Variants in ZDHHC15 observed in about 807,000 individuals in gnomAD.
The protein encoded by ZDHHC15 is palmitoyltransferase ZDHHC15.
ZDHHC15 carries 19 observed loss-of-function variants against 31.7 expected under a neutral mutation model. That is an observed-to-expected ratio of 0.60 (90% confidence interval 0.42 to 0.88). The LOEUF (loss-of-function observed/expected upper bound fraction) is 0.88. Ranked by LOEUF, ZDHHC15 falls within the 40% of genes least tolerant of loss-of-function variation. The pLI is 0.00. For missense variants in ZDHHC15, 209 were observed against 251.2 expected, an observed-to-expected ratio of 0.83 and a Z score of 1.14; for synonymous variants, 103 against 90.0, an observed-to-expected ratio of 1.14 and a Z score of -0.82.
intron 2 of ZDHHC15, among the ~76,000 whole-genome samples, chrX:75,481,200 T>C (rs1209011595): frequency 9.0e-6 from 1 of 111,722 alleles, no homozygotes; most frequent in Non-Finnish European, 1.9e-5. Context: ...TGTTAACCCA[T>C]GTTCCTTCAG....
At chrX:75,458,691 G>T (rs1357712923) in intron 3 of ZDHHC15, among the ~76,000 whole-genome samples, 1 of 109,985 alleles carries the variant, frequency 9.1e-6, no homozygotes, top group Non-Finnish European at 1.9e-5. Flanking sequence ...AATGAATGTG[G>T]TGTACCATAG....
intron 3 of ZDHHC15, among the ~76,000 whole-genome samples, chrX:75,469,686 T>C (rs1260729926): frequency 8.9e-6 from 1 of 112,008 alleles, no homozygotes; most frequent in African/African-American, 3.2e-5. Flanking sequence ...TAAACATAGA[T>C]ATACAGCCAT....
chrX:75,499,229 G>A (rs1004991889), intron 2 of ZDHHC15, among the ~76,000 whole-genome samples: 2 of 111,442 alleles, frequency 1.8e-5, no homozygotes, highest in Non-Finnish European at 3.8e-5. Context: ...TAGGCAAAGA[G>A]CTCATGACCC....
At chrX:75,514,195 T>C (rs1188970915) in intron 1 of ZDHHC15, among the ~76,000 whole-genome samples, 2 of 112,763 alleles carry the variant, frequency 1.8e-5, no homozygotes, top group South Asian at 3.6e-4. Flanking sequence ...ACTGGTAAAC[T>C]ATACAGGTAG....
chrX:75,509,146 C>A (rs1437700491), intron 1 of ZDHHC15, among the ~76,000 whole-genome samples: 1 of 110,899 alleles, frequency 9.0e-6, no homozygotes, highest in Non-Finnish European at 1.9e-5. Context: ...AAAGCAATGG[C>A]AACAAAAGCC....
At chrX:75,451,148 G>C (rs1208221774) in intron 3 of ZDHHC15, among the ~76,000 whole-genome samples, 2 of 111,864 alleles carry the variant, frequency 1.8e-5, no homozygotes, top group Non-Finnish European at 3.8e-5. Flanking sequence ...AAATAAAACA[G>C]AGAGATTCAG....
chrX:75,510,534 T>C (rs374133972), intron 1 of ZDHHC15, among the ~76,000 whole-genome samples: 1 of 26,637 alleles, frequency 3.8e-5, no homozygotes, highest in Non-Finnish European at 1.8e-4. Context: ...GGAAAATTTC[T>C]TTTTTTTTTT....
chrX:75,487,309 G>T (rs2084793476), intron 2 of ZDHHC15, among the ~76,000 whole-genome samples: 1 of 112,419 alleles, frequency 8.9e-6, no homozygotes, highest in Admixed American at 9.4e-5. Context: ...TGGAGCAGGT[G>T]CTGGAATCTA....
chrX:75,439,777 C>G (rs1348188589), intron 4 of ZDHHC15, among the ~76,000 whole-genome samples: 1 of 110,008 alleles, frequency 9.1e-6, no homozygotes, highest in Non-Finnish European at 1.9e-5. Flanking sequence ...TTTCTTGTTC[C>G]TTCTCATTTG....
chrX:75,478,163 G>A lies in ZDHHC15; in HGVS notation c.258+728C>T, dbSNP rs144021378. ...TTTAAAAATATTGCATGAAACACTC[G>A]CATTTAAGGTAACACAGTCTGAAAA... On this transcript the variant is annotated intron_variant, in intron 3 of 11. Transcript: ENST00000373367. 1.0e-3 allele frequency among the ~76,000 whole-genome samples: 117 copies of A among 111,513 alleles called. 1 individual carries two copies. The highest frequency in any genetic ancestry group is 2.6e-3 in the South Asian group (7 of 2,670).
intron 3 of ZDHHC15, among the ~76,000 whole-genome samples, chrX:75,451,556 C>A (rs1009534985): frequency 7.2e-5 from 8 of 111,366 alleles, no homozygotes; most frequent in African/African-American, 2.3e-4. Context: ...TAATATGAAC[C>A]TGAAAGCATT....
chrX:75,392,460 T>C (rs765375618), intron 10 of ZDHHC15, among the ~76,000 whole-genome samples: 2 of 112,069 alleles, frequency 1.8e-5, no homozygotes, highest in Non-Finnish European at 3.8e-5. Flanking sequence ...GATCAATACT[T>C]TGTATTCTTC....
intron 11 of ZDHHC15, among the ~76,000 whole-genome samples, chrX:75,374,581 T>C (rs1242099239): frequency 1.8e-5 from 2 of 109,452 alleles, no homozygotes; most frequent in African/African-American, 6.6e-5. Context: ...TCACAAATGT[T>C]TATAGCAGCT....
chrX:75,383,366 A>C (rs1262839553), intron 10 of ZDHHC15, among the ~76,000 whole-genome samples: 3 of 111,744 alleles, frequency 2.7e-5, no homozygotes, highest in Non-Finnish European at 3.8e-5. Flanking sequence ...GATGTTTCTG[A>C]CTCCAGTGAG....
chrX:75,416,141 T>G (rs140460239), intron 10 of ZDHHC15, among the ~76,000 whole-genome samples: 1 of 111,953 alleles, frequency 8.9e-6, no homozygotes, highest in East Asian at 2.8e-4. Context: ...ATCTATGGAT[T>G]TGTGGCTGTT....
At chrX:75,416,798 C>T (rs1373829859) in intron 10 of ZDHHC15, among the ~76,000 whole-genome samples, 1 of 111,615 alleles carries the variant, frequency 9.0e-6, no homozygotes, top group African/African-American at 3.3e-5. Flanking sequence ...CAAAGTACTA[C>T]AAGTGACTAC....
intron 10 of ZDHHC15, among the ~76,000 whole-genome samples, chrX:75,397,366 T>TTAAAA (rs1413443132): frequency 9.0e-6 from 1 of 110,668 alleles, no homozygotes; most frequent in African/African-American, 3.3e-5. Context: ...ATTTAGTATT[T>TTAAAA]TAAAATAACT....
chrX:75,481,161 T>G (rs1325244753), intron 2 of ZDHHC15, among the ~76,000 whole-genome samples: 1 of 111,492 alleles, frequency 9.0e-6, no homozygotes. Flanking sequence ...TTATGAGGTT[T>G]GTACGGGGAA....
chrX:75,441,845 G>A (rs1223450210), intron 4 of ZDHHC15, among the ~76,000 whole-genome samples: 2 of 109,647 alleles, frequency 1.8e-5, no homozygotes, highest in Non-Finnish European at 3.8e-5. Flanking sequence ...GGATGGTCTC[G>A]ATCTCCTGAT....
Sources: gnomAD v4.1 joint callset for allele counts (sites outside exome capture counted in the v4.1 genomes callset) on GRCh38, gnomAD v4.1.1 for gene constraint, MANE v1.5 for transcripts, NCBI Gene and HGNC (gene_info 2026-07-23, HGNC 2026-07-21) for gene names.